RARB: variants seen among roughly 807,000 people sequenced by gnomAD.
The protein encoded by RARB is HBV-activated protein.
Under a neutral mutation model 51.9 loss-of-function variants are expected in RARB, and 17 were observed. The ratio of observed to expected loss-of-function variants is 0.33; its 90% CI spans 0.22 to 0.49. The LOEUF (loss-of-function observed/expected upper bound fraction) is 0.49, where lower values mean the gene tolerates loss of function less well. Ranked by LOEUF, RARB falls within the 20% of genes least tolerant of loss-of-function variation. RARB has a pLI of 0.99. For synonymous variants in RARB, 215 were observed against 195.4 expected, an observed-to-expected ratio of 1.10 and a Z score of -0.84; for missense variants, 369 against 550.8, an observed-to-expected ratio of 0.67 and a Z score of 3.30.
At chr3:25,421,658 C>T (rs1251155707) in intron 5 of RARB, among the ~76,000 whole-genome samples, 1 of 152,110 alleles carries the variant, frequency 6.6e-6, no homozygotes, top group Non-Finnish European at 1.5e-5. Flanking sequence ...CCTGCCTCGG[C>T]CTCCCAGAGT....
chr3:25,594,098 C>T (rs1488047102), intron 6 of RARB, among the ~76,000 whole-genome samples: 1 of 152,140 alleles, frequency 6.6e-6, no homozygotes, highest in Non-Finnish European at 1.5e-5. Flanking sequence ...CCTTGCAGGA[C>T]TGGGATAAAA....
intron 5 of RARB, among the ~76,000 whole-genome samples, chr3:25,386,990 G>A (rs1706814367): frequency 6.6e-6 from 1 of 152,198 alleles, no homozygotes; most frequent in African/African-American, 2.4e-5. Flanking sequence ...GCCAGCAACA[G>A]TGAACAGAGG....
At chr3:25,151,712 C>T (rs1033833329) in intron 4 of RARB, among the ~76,000 whole-genome samples, 3 of 152,076 alleles carry the variant, frequency 2.0e-5, no homozygotes, top group African/African-American at 2.4e-5. Flanking sequence ...ATATATGGAC[C>T]AATCGGATGG....
At chr3:25,494,345 C>G (rs1250697669) in intron 2 of RARB, among the ~76,000 whole-genome samples, 2 of 151,932 alleles carry the variant, frequency 1.3e-5, no homozygotes, top group Admixed American at 1.3e-4. Flanking sequence ...TACTCCTGAT[C>G]TCTGTTGCTT....
At chr3:25,249,240 TG>T (rs1702644469) in intron 5 of RARB, among the ~76,000 whole-genome samples, 1 of 152,164 alleles carries the variant, frequency 6.6e-6, no homozygotes, top group African/African-American at 2.4e-5. Context: ...GAATGTATTT[TG>T]TATGGCATTT....
chr3:25,464,432 CTT>C (rs760577736), intron 2 of RARB, among the ~76,000 whole-genome samples: 1 of 152,134 alleles, frequency 6.6e-6, no homozygotes, highest in African/African-American at 2.4e-5. Context: ...TATGGTGTAT[CTT>C]TTTAACAGAG....
At chr3:25,412,145 T>G (rs1006650928) in intron 5 of RARB, among the ~76,000 whole-genome samples, 2 of 152,348 alleles carry the variant, frequency 1.3e-5, no homozygotes, top group Non-Finnish European at 2.9e-5. Flanking sequence ...GTAGTCAAAG[T>G]GCTTCATTTT....
At chr3:24,981,017 C>G (rs974773612) in intron 2 of RARB, among the ~76,000 whole-genome samples, 1 of 152,224 alleles carries the variant, frequency 6.6e-6, no homozygotes, top group African/African-American at 2.4e-5. Context: ...TTCTAACAGA[C>G]AGGCCCTTCA....
intron 3 of RARB, among the ~76,000 whole-genome samples, chr3:25,526,075 G>C (rs1302974753): frequency 1.3e-5 from 2 of 152,186 alleles, no homozygotes; most frequent in Non-Finnish European, 2.9e-5. Context: ...ATAAGTAGGG[G>C]AAGGGACTTA....
chr3:25,078,532 C>A (rs1366271525), intron 3 of RARB, among the ~76,000 whole-genome samples: 2 of 56,058 alleles, frequency 3.6e-5, no homozygotes, highest in South Asian at 8.7e-4. Context: ...CTCCAACTTT[C>A]TATTTTTTTT....
rs147895671 is a variant in RARB at position 24,894,039 on chromosome 3, C to T, written c.-380+35287C>T. On this transcript the variant is annotated intron_variant, in intron 2 of 11. Transcript: ENST00000383772. Reference sequence around the variant, plus strand: ...CTGAACAGAAAGAGATGGCAGAATCCTATTCAAATGATTAGAAATTATTTC... The same window carrying T: ...CTGAACAGAAAGAGATGGCAGAATCTTATTCAAATGATTAGAAATTATTTC... Among the ~76,000 whole-genome samples, 772 of 152,224 alleles carry T rather than the reference C, an allele frequency of 5.1e-3. 3 individuals carry two copies. The highest frequency in any genetic ancestry group is 0.017 in the African/African-American group (725 of 41,532).
chr3:25,088,192 A>T (rs1336116030), intron 3 of RARB, among the ~76,000 whole-genome samples: 1 of 152,078 alleles, frequency 6.6e-6, no homozygotes, highest in African/African-American at 2.4e-5. Context: ...GAAGAGCTTC[A>T]TTTGGTTTCA....
At chr3:25,269,885 G>A (rs1470007803) in intron 5 of RARB, among the ~76,000 whole-genome samples, 1 of 152,106 alleles carries the variant, frequency 6.6e-6, no homozygotes, top group African/African-American at 2.4e-5. Flanking sequence ...ACATACAAAT[G>A]GTCATTAAGC....
chr3:25,304,736 C>G (rs1704118177), intron 5 of RARB, among the ~76,000 whole-genome samples: 1 of 152,174 alleles, frequency 6.6e-6, no homozygotes, highest in Non-Finnish European at 1.5e-5. Context: ...TCCTTATAGA[C>G]TGACCTCTGC....
chr3:25,205,357 G>C (rs2125374033), intron 5 of RARB, among the ~76,000 whole-genome samples: 1 of 152,228 alleles, frequency 6.6e-6, no homozygotes, highest in Middle Eastern at 3.4e-3. Context: ...GGAATTCCCT[G>C]ACCCCTTGCA....
chr3:25,300,815 C>T (rs145394883), intron 5 of RARB, among the ~76,000 whole-genome samples: 2,143 of 152,080 alleles, frequency 0.014, 42 homozygotes, highest in African/African-American at 0.045. Flanking sequence ...CATGGTGAAA[C>T]CCTATCTCTA....
chr3:25,156,153 T>C (rs940211919), intron 4 of RARB, among the ~76,000 whole-genome samples: 1 of 152,174 alleles, frequency 6.6e-6, no homozygotes, highest in South Asian at 2.1e-4. Flanking sequence ...AGAATTTCCA[T>C]GTGGTGCCGA....
chr3:24,983,865 T>C (rs1164873860), intron 2 of RARB, among the ~76,000 whole-genome samples: 1 of 151,926 alleles, frequency 6.6e-6, no homozygotes, highest in Non-Finnish European at 1.5e-5. Flanking sequence ...ACTAAAAACA[T>C]GAAAGATAAT....
chr3:24,970,898 C>A (rs1231344325), intron 2 of RARB, among the ~76,000 whole-genome samples: 1 of 151,960 alleles, frequency 6.6e-6, no homozygotes, highest in African/African-American at 2.4e-5. Flanking sequence ...TAACTTTCTA[C>A]TTGATGCTTA....
Sources: allele counts gnomAD v4.1 joint callset (sites outside exome capture counted in the v4.1 genomes callset), GRCh38; gene constraint gnomAD v4.1.1; transcripts MANE v1.5; gene names NCBI Gene and HGNC (gene_info 2026-07-23, HGNC 2026-07-21).